HLA-E: variants seen among roughly 807,000 people sequenced by gnomAD.
The protein encoded by HLA-E is HLA class I histocompatibility antigen, alpha chain E.
HLA-E carries 25 observed loss-of-function variants against 43.4 expected under a neutral mutation model. The observed-to-expected ratio is 0.58, with a 90% CI of 0.42 to 0.80. The LOEUF is 0.80. HLA-E is among the 30% of genes least tolerant of loss of function. The pLI is 0.00. For synonymous variants in HLA-E, 161 were observed against 197.6 expected, an observed-to-expected ratio of 0.81 and a Z score of 1.55; for missense variants, 343 against 470.0, an observed-to-expected ratio of 0.73 and a Z score of 2.50.
In HLA-E at chr6:30,491,434, C is replaced by T; in HGVS notation, c.886+22C>T. Reference sequence around the variant, plus strand: ...TGGAGTAAGGAGGGGGATGGGAGGTCATGTCTCTTCTCAGGGAAAGCGGGA... The same window carrying T: ...TGGAGTAAGGAGGGGGATGGGAGGTTATGTCTCTTCTCAGGGAAAGCGGGA... On this transcript the variant is annotated intron_variant, in intron 4 of 7. Coordinates refer to ENST00000376630, the MANE Select transcript of HLA-E (RefSeq NM_005516.6). The surrounding 1 kb of genome is among the most constrained non-coding windows in gnomAD (Gnocchi z 5.4). The T allele has an allele frequency of 6.2e-7, 1 of 1,613,398 alleles. No individual in the cohort carries two copies. The highest frequency in any genetic ancestry group is 8.5e-7 in the Non-Finnish European group (1 of 1,179,486).
rs1444128880 is a variant in HLA-E at position 30,493,275 on chromosome 6, C to G, written c.*529C>G. The G allele has an allele frequency of 1.3e-5, 2 of 152,106 alleles. No individual in the cohort carries two copies. The highest frequency in any genetic ancestry group is 2.9e-5 in the Non-Finnish European group (2 of 68,010). 9.4% of individuals were successfully genotyped at this position (152,106 alleles called of 1,614,324 possible). On this transcript the variant is annotated 3_prime_UTR_variant, in exon 8 of 8. Transcript: ENST00000376630. This position sits in a 1 kb window ranked among gnomAD's most constrained non-coding sequence, Gnocchi z 5.5. ...TGCGACTGCACTCCAGCCTGGGTGA[C>G]AGGGTGAAACGCCATCTCAAAAAAT...
At position 30,493,479 on chromosome 6, in the gene HLA-E, A is replaced by T. The variant is rs1028828780; in HGVS notation, c.*733A>T. 1.3e-5 allele frequency: 2 copies of T among 152,126 alleles called. No homozygotes were observed. The highest frequency in any genetic ancestry group is 4.8e-5 in the African/African-American group (2 of 41,392). 9.4% of individuals were successfully genotyped at this position (152,126 alleles called of 1,614,324 possible). On this transcript the variant is annotated 3_prime_UTR_variant, in exon 8 of 8. Transcript: ENST00000376630. This position sits in a 1 kb window ranked among gnomAD's most constrained non-coding sequence, Gnocchi z 5.5. ...CTATTCCTTACCACCTGTAATCTTG[A>T]CCATATACCTTGGAGTTGAATATTG...
Position 30,491,263 on chromosome 6 carries a change from C to T in HLA-E, c.737C>T (p.Thr246Ile), listed in dbSNP as rs2127271861. Residue 246 changes from threonine (T) to isoleucine (I), a missense_variant, in exon 4 of 8, where the codon ACC becomes ATC. By Grantham distance (89) the Thr-to-Ile change is moderately conservative. Around this residue, in one of 3 missense-constraint regions of HLA-E, gnomAD observed 190 missense variants for 283.6 expected, o/e 0.67. Coordinates refer to ENST00000376630, the MANE Select transcript of HLA-E (RefSeq NM_005516.6). This position sits in a 1 kb window ranked among gnomAD's most constrained non-coding sequence, Gnocchi z 5.4. The part of the protein sequence containing the change: ...LTWQQDGEGH[T>I]QDTELVETRP... ...TGGCAGCAGGATGGGGAGGGCCATACCCAGGACACGGAGCTCGTGGAGACC... is the reference window on the plus strand; with the variant it reads ...TGGCAGCAGGATGGGGAGGGCCATATCCAGGACACGGAGCTCGTGGAGACC... The T allele has an allele frequency of 6.2e-7, 1 of 1,614,076 alleles. No homozygotes were observed. The highest frequency in any genetic ancestry group is 8.5e-7 in the Non-Finnish European group (1 of 1,179,966).
At position 30,492,182 on chromosome 6, in the gene HLA-E, C is replaced by T. The variant is rs1796588180; in HGVS notation, c.1004-222C>T. 2.6e-5 allele frequency among the ~76,000 whole-genome samples: 4 copies of T among 152,118 alleles called. No individual in the cohort carries two copies. The South Asian group carries it at 8.3e-4, about 31-fold the overall frequency. On this transcript the variant is annotated intron_variant, in intron 5 of 7. Coordinates refer to ENST00000376630, the MANE Select transcript of HLA-E (RefSeq NM_005516.6). This position sits in a 1 kb window ranked among gnomAD's most constrained non-coding sequence, Gnocchi z 4.5. ...CGATTGTGGTGATGGGGACCTGATC[C>T]CAGCAGTCACAGGTCACAGGGGAAG...
chr6:30,493,991 C>T lies in HLA-E; in HGVS notation c.*1245C>T, dbSNP rs976747566. On this transcript the variant is annotated 3_prime_UTR_variant, in exon 8 of 8. Coordinates refer to ENST00000376630, the MANE Select transcript of HLA-E (RefSeq NM_005516.6). The surrounding 1 kb of genome is among the most constrained non-coding windows in gnomAD (Gnocchi z 5.5). ...GCTGCACCCAGCAAAGCCACAGGCA[C>T]GGGGCTACCTGAGGCCTTGGGGGCC... 3.3e-5 allele frequency: 5 copies of T among 152,250 alleles called. No individual in the cohort carries two copies. In the South Asian group the frequency reaches 8.3e-4, roughly 25 times the overall value. The allele number at this position is 152,250 out of a possible 1,614,324, so 9.4% of individuals were successfully genotyped here. A position where few individuals can be genotyped will look rare whatever the true frequency, so the allele number is the denominator to read the frequency against.
At position 30,491,043 on chromosome 6, in the gene HLA-E, T is replaced by C. The variant is rs1372192230; in HGVS notation, c.611-94T>C. On this transcript the variant is annotated intron_variant, in intron 3 of 7. Coordinates refer to ENST00000376630, the MANE Select transcript of HLA-E (RefSeq NM_005516.6). The surrounding 1 kb of genome is among the most constrained non-coding windows in gnomAD (Gnocchi z 5.4). ...GTTTTGTCCTCTTCTCCTACTATAA[T>C]TGTCCTCTTCCTTCTCAGGATGGTC... 1 of 1,507,790 alleles carries C rather than the reference T, an allele frequency of 6.6e-7. No homozygotes were observed. The highest frequency in any genetic ancestry group is 9.0e-7 in the Non-Finnish European group (1 of 1,106,242). The allele number at this position is 1,507,790 out of a possible 1,614,324, so 93.4% of individuals were successfully genotyped here.
chr6:30,490,080 C>A lies in HLA-E; in HGVS notation c.334+85C>A. Reference sequence around the variant, plus strand: ...CGGGTCCCCTCGAATCTTCGGGTCCCAGATTCACCCCAAGGCTGCGGAACC... The same window carrying A: ...CGGGTCCCCTCGAATCTTCGGGTCCAAGATTCACCCCAAGGCTGCGGAACC... On this transcript the variant is annotated intron_variant, in intron 2 of 7. Coordinates refer to ENST00000376630, the MANE Select transcript of HLA-E (RefSeq NM_005516.6). This position sits in a 1 kb window ranked among gnomAD's most constrained non-coding sequence, Gnocchi z 6.6. The A allele has an allele frequency of 6.6e-7, 1 of 1,509,816 alleles. No homozygotes were observed. Among genetic ancestry groups the A allele is most frequent in the East Asian group, 2.3e-5 (1 of 44,222 alleles). 93.5% of individuals were successfully genotyped at this position (1,509,816 alleles called of 1,614,324 possible). A position where few individuals can be genotyped will look rare whatever the true frequency, so the allele number is the denominator to read the frequency against.
At position 30,491,231 on chromosome 6, in the gene HLA-E, A is replaced by C. The variant is rs763589057; in HGVS notation, c.705A>C (p.Thr235=). ...TGGGCTTCTACCCTGCGGAGATCAC[A>C]CTGACCTGGCAGCAGGATGGGGAGG... ...WALGFYPAEI[T]LTWQQDGEGH... Residue 235 remains threonine, a synonymous_variant, in exon 4 of 8, where the codon ACA becomes ACC. Transcript: ENST00000376630. This position sits in a 1 kb window ranked among gnomAD's most constrained non-coding sequence, Gnocchi z 5.4. 3 of 1,613,952 alleles carry C rather than the reference A, an allele frequency of 1.9e-6. No individual in the cohort carries two copies. The highest frequency in any genetic ancestry group is 1.7e-6 in the Non-Finnish European group (2 of 1,179,980).
rs1421593447 is a variant in HLA-E at position 30,491,656 on chromosome 6, G to A, written c.1003+3G>A. On this transcript the variant is annotated splice_donor_region_variant and intron_variant, in intron 5 of 7. Transcript: ENST00000376630. The surrounding 1 kb of genome is among the most constrained non-coding windows in gnomAD (Gnocchi z 5.4). ...GATATGGAGGAAGAAGAGCTCAGGTGGGGAAGGGAGAAGGGTGGGGTCTGA... is the reference window on the plus strand; with the variant it reads ...GATATGGAGGAAGAAGAGCTCAGGTAGGGAAGGGAGAAGGGTGGGGTCTGA... The A allele has an allele frequency of 6.2e-7, 1 of 1,609,304 alleles. No homozygotes were observed. Among genetic ancestry groups the A allele is most frequent in the Non-Finnish European group, 8.5e-7 (1 of 1,177,006 alleles).
Position 30,491,099 on chromosome 6 carries a change from G to T in HLA-E, c.611-38G>T, listed in dbSNP as rs377727283. On this transcript the variant is annotated intron_variant, in intron 3 of 7. Transcript: ENST00000376630. The surrounding 1 kb of genome is among the most constrained non-coding windows in gnomAD (Gnocchi z 5.4). ...GGTGCTGCTGGAGTGTCCCATGAGA[G>T]ATACAAAGTGCCTGAATTTTCTGAC... is the stretch of plus-strand genomic sequence containing the variant. The T allele has an allele frequency of 1.3e-5, 21 of 1,608,484 alleles. 1 individual carries two copies. The South Asian group carries it at 2.2e-4, about 17-fold the overall frequency.
At position 30,490,557 on chromosome 6, in the gene HLA-E, GCTA is replaced by G. The variant is rs1796475923; in HGVS notation, c.610+43_610+45del. 3.8e-6 allele frequency: 6 copies of G among 1,580,120 alleles called. No homozygotes were observed. The highest frequency in any genetic ancestry group is 5.2e-6 in the Non-Finnish European group (6 of 1,160,598). ...GGCTACTCTCCCATCTCCTTCTTGG[GCTA>G]GGACTGTGCCCACAGCTGACAGACC... On this transcript the variant is annotated intron_variant, in intron 3 of 7. Transcript: ENST00000376630. The surrounding 1 kb of genome is among the most constrained non-coding windows in gnomAD (Gnocchi z 6.6).
rs1562619662 is a variant in HLA-E at position 30,492,027 on chromosome 6, T to C, written c.1003+374T>C. On this transcript the variant is annotated intron_variant, in intron 5 of 7. Transcript: ENST00000376630. This position sits in a 1 kb window ranked among gnomAD's most constrained non-coding sequence, Gnocchi z 4.5. The stretch of plus-strand genomic sequence containing the variant: ...TATGTTGGCCAGGCTGGTCTCGAAC[T>C]CCTGACTTTGTGATCTGCCTGCCTC... 6.6e-6 allele frequency among the ~76,000 whole-genome samples: 1 copy of C among 152,032 alleles called. No homozygotes were observed. The highest frequency in any genetic ancestry group is 1.5e-5 in the Non-Finnish European group (1 of 67,976).
In HLA-E at chr6:30,490,008, G is replaced by T. The variant is rs1582373970; in HGVS notation, c.334+13G>T. On this transcript the variant is annotated intron_variant, in intron 2 of 7. Coordinates refer to ENST00000376630, the MANE Select transcript of HLA-E (RefSeq NM_005516.6). The surrounding 1 kb of genome is among the most constrained non-coding windows in gnomAD (Gnocchi z 6.6). Reference sequence around the variant, plus strand: ...CAGAGCGAGGCCGGTGAGTGACCCCGGCCAGGGGAGCAGGTCACGACCCCT... The same window carrying T: ...CAGAGCGAGGCCGGTGAGTGACCCCTGCCAGGGGAGCAGGTCACGACCCCT... 1 of 1,597,894 alleles carries T rather than the reference G, an allele frequency of 6.3e-7. No individual in the cohort carries two copies. Among genetic ancestry groups the T allele is most frequent in the Non-Finnish European group, 8.5e-7 (1 of 1,170,798 alleles).
Position 30,492,443 on chromosome 6 carries a change from G to A in HLA-E, c.1036+7G>A. Reference sequence around the variant, plus strand: ...AGCTACTCTAAGGCTGAGTGTAAGTGCGGGGCGGGAGCGTGGAGGAGCTCG... The same window carrying A: ...AGCTACTCTAAGGCTGAGTGTAAGTACGGGGCGGGAGCGTGGAGGAGCTCG... On this transcript the variant is annotated splice_region_variant and intron_variant, in intron 6 of 7. Coordinates refer to ENST00000376630, the MANE Select transcript of HLA-E (RefSeq NM_005516.6). The surrounding 1 kb of genome is among the most constrained non-coding windows in gnomAD (Gnocchi z 4.5). 6.2e-7 allele frequency: 1 copy of A among 1,614,116 alleles called. No individual in the cohort carries two copies. The highest frequency in any genetic ancestry group is 8.5e-7 in the Non-Finnish European group (1 of 1,179,992).
Position 30,492,961 on chromosome 6 carries a change from A to T in HLA-E, c.*215A>T, listed in dbSNP as rs531739901. ...TGTCTACCATGACCCCCTTCCTCACACTGACCTGTGTTCCTTCCCTGTTCT... is the reference window on the plus strand; with the variant it reads ...TGTCTACCATGACCCCCTTCCTCACTCTGACCTGTGTTCCTTCCCTGTTCT... On this transcript the variant is annotated 3_prime_UTR_variant, in exon 8 of 8. Coordinates refer to ENST00000376630, the MANE Select transcript of HLA-E (RefSeq NM_005516.6). The surrounding 1 kb of genome is among the most constrained non-coding windows in gnomAD (Gnocchi z 4.5). 2 of 323,664 alleles carry T rather than the reference A, an allele frequency of 6.2e-6. No individual in the cohort carries two copies. Among genetic ancestry groups the T allele is most frequent in the Admixed American group, 4.9e-5 (1 of 20,498 alleles). 20.0% of individuals were successfully genotyped at this position (323,664 alleles called of 1,614,324 possible).
chr6:30,491,568 G>T lies in HLA-E; in HGVS notation c.918G>T (p.Val306=). The T allele has an allele frequency of 6.2e-7, 1 of 1,613,604 alleles. No individual in the cohort carries two copies. The highest frequency in any genetic ancestry group is 8.5e-7 in the Non-Finnish European group (1 of 1,179,992). ...KPASQPTIPI[V]GIIAGLVLLG... ...CTTCCCAGCCCACCATCCCCATCGT[G>T]GGCATCATTGCTGGCCTGGTTCTCC... The change falls in exon 5 of 8, where the codon GTG becomes GTT. Residue 306 remains valine (V), a synonymous_variant. Coordinates refer to ENST00000376630, the MANE Select transcript of HLA-E (RefSeq NM_005516.6). The surrounding 1 kb of genome is among the most constrained non-coding windows in gnomAD (Gnocchi z 5.4).
In HLA-E at chr6:30,491,480, C is replaced by G; in HGVS notation, c.887-57C>G. 1.9e-6 allele frequency: 3 copies of G among 1,610,814 alleles called. No homozygotes were observed. Among genetic ancestry groups the G allele is most frequent in the Non-Finnish European group, 2.5e-6 (3 of 1,177,860 alleles). On this transcript the variant is annotated intron_variant, in intron 4 of 7. Transcript: ENST00000376630. The surrounding 1 kb of genome is among the most constrained non-coding windows in gnomAD (Gnocchi z 5.4). ...CGGGAGCCCTTCTGGAGCCCTTCCG[C>G]AGGGTCAGGGCTGAGGCCTGGGGGT...
Position 30,492,036 on chromosome 6 carries a change from T to C in HLA-E, c.1004-368T>C, listed in dbSNP as rs1364551579. Among the ~76,000 whole-genome samples, 1 of 152,018 alleles carries C rather than the reference T, an allele frequency of 6.6e-6. No homozygotes were observed. The highest frequency in any genetic ancestry group is 1.9e-4 in the East Asian group (1 of 5,190). On this transcript the variant is annotated intron_variant, in intron 5 of 7. Coordinates refer to ENST00000376630, the MANE Select transcript of HLA-E (RefSeq NM_005516.6). The surrounding 1 kb of genome is among the most constrained non-coding windows in gnomAD (Gnocchi z 4.5). ...CAGGCTGGTCTCGAACTCCTGACTTTGTGATCTGCCTGCCTCGGCCTCCCA... is the reference window on the plus strand; with the variant it reads ...CAGGCTGGTCTCGAACTCCTGACTTCGTGATCTGCCTGCCTCGGCCTCCCA...
rs1796599180 is a variant in HLA-E, at chr6:30,492,352, C to T, written c.1004-52C>T. ...CAAAACTAGGAGGTTCCTCTAGGACCTTATGGCCCTGCCTCCTCCCTGGCC... is the reference window on the plus strand; with the variant it reads ...CAAAACTAGGAGGTTCCTCTAGGACTTTATGGCCCTGCCTCCTCCCTGGCC... On this transcript the variant is annotated intron_variant, in intron 5 of 7. Coordinates refer to ENST00000376630, the MANE Select transcript of HLA-E (RefSeq NM_005516.6). This position sits in a 1 kb window ranked among gnomAD's most constrained non-coding sequence, Gnocchi z 4.5. The T allele has an allele frequency of 2.5e-6, 4 of 1,601,368 alleles. No individual in the cohort carries two copies. In the East Asian group the frequency reaches 6.7e-5, roughly 27 times the overall value.
Sources: gnomAD v4.1 joint callset for allele counts (sites outside exome capture counted in the v4.1 genomes callset) on GRCh38, gnomAD v4.1.1 for gene constraint, gnomAD v4.1.1 regional missense constraint, Gnocchi (gnomAD v3.1) non-coding constraint, MANE v1.5 for transcripts, NCBI Gene and HGNC (gene_info 2026-07-23, HGNC 2026-07-21) for gene names.